Variants in COQ7 observed in about 807,000 individuals in gnomAD.
COQ7 encodes NADPH-dependent 3-demethoxyubiquinone 3-hydroxylase, mitochondrial.
COQ7 carries 21 observed loss-of-function variants against 25.0 expected under a neutral mutation model. The ratio of observed to expected loss-of-function variants is 0.84; its 90% CI spans 0.60 to 1.21. COQ7 has a LOEUF of 1.21. COQ7 is among the 50% of genes most tolerant of loss of function. The probability of loss-of-function intolerance (pLI) is 0.00; values close to 1 mark genes in which losing one functional copy is unlikely to be tolerated. For synonymous variants in COQ7, 125 were observed against 112.4 expected, an observed-to-expected ratio of 1.11 and a Z score of -0.71; for missense variants, 311 against 296.2, an observed-to-expected ratio of 1.05 and a Z score of -0.37.
chr16:19,077,222 T>TAAA (rs1334734544), intron 4 of COQ7, 84 bp from the exon 5 acceptor site: 30 of 1,222,332 alleles, frequency 2.5e-5, no homozygotes, highest in Non-Finnish European at 2.8e-5. Context: ...TAGGCCATAA[T>TAAA]AAGAGGCTTT....
chr16:19,071,826 A>T, intron 1 of COQ7, 102 bp from the exon 2 acceptor site: 1 of 1,318,774 alleles, frequency 7.6e-7, no homozygotes, highest in South Asian at 1.3e-5. Context: ...CCCATGGGGA[A>T]CTGATTTGTG....
intron 4 of COQ7, 69 bp from the exon 5 acceptor site, chr16:19,077,237 T>A: frequency 7.1e-7 from 1 of 1,410,582 alleles, no homozygotes. Flanking sequence ...GGCTTTAGCC[T>A]CCAAAATGAA....
chr16:19,079,661 C>T lies in COQ7; in HGVS notation c.*1503C>T, dbSNP rs975860443. The T allele has an allele frequency of 2.0e-5, 3 of 151,952 alleles. No individual in the cohort carries two copies. The highest frequency in any genetic ancestry group is 7.3e-5 in the African/African-American group (3 of 41,360). 9.4% of individuals were successfully genotyped at this position (151,952 alleles called of 1,614,324 possible). A position where few individuals can be genotyped will look rare whatever the true frequency, so the allele number is the denominator to read the frequency against. On this transcript the variant is annotated 3_prime_UTR_variant, in exon 6 of 6. Transcript: ENST00000321998. The stretch of plus-strand genomic sequence containing the variant: ...TCCGGAGTGAGTTGGAGCTGCAAGC[C>T]CCTGAGCTAGATTATAAGATGCTTC...
At position 19,071,933 on chromosome 16, in the gene COQ7, GGAA is replaced by G; in HGVS notation, c.86_88del (p.Arg29del). 1.2e-6 allele frequency: 2 copies of G among 1,614,188 alleles called. No individual in the cohort carries two copies. The highest frequency in any genetic ancestry group is 1.7e-6 in the Non-Finnish European group (2 of 1,180,014). On this transcript the variant is annotated inframe_deletion, in exon 2 of 6. Coordinates refer to ENST00000321998, the MANE Select transcript of COQ7 (RefSeq NM_016138.5). The stretch of plus-strand genomic sequence containing the variant: ...AATAAACACTTGCATTTCAGCTTAT[GGAA>G]GAAGAACCAGTGTCAGATTTCGCAG...
chr16:19,075,778 A>G lies in COQ7; in HGVS notation c.425A>G (p.Glu142Gly), dbSNP rs1596831186. ...GCCATGGCCTGCACCGTGGCGGTGGAAGAGAGCATAGCACATCACTACAAC... is the reference window on the plus strand; with the variant it reads ...GCCATGGCCTGCACCGTGGCGGTGGGAGAGAGCATAGCACATCACTACAAC... ...EGAMACTVAV[E>G]ESIAHHYNNQ... The change falls in exon 4 of 6, where the codon GAA (glutamate) becomes GGA (glycine). Residue 142 changes from glutamate (E) to glycine (G), a missense_variant. Transcript: ENST00000321998. The G allele has an allele frequency of 6.2e-7, 1 of 1,611,976 alleles. No individual in the cohort carries two copies. The highest frequency in any genetic ancestry group is 8.5e-7 in the Non-Finnish European group (1 of 1,178,944).
downstream of COQ7, among the ~76,000 whole-genome samples, chr16:19,080,594 C>T (rs11865726): frequency 0.013 from 1,987 of 152,130 alleles, 51 homozygotes; most frequent in African/African-American, 0.045. Flanking sequence ...GATTATTTGA[C>T]ATGTTTAATT....
chr16:19,077,590 C>CTTTTTTTTTTTTTTTT (rs60523088), intron 5 of COQ7, among the ~76,000 whole-genome samples: 2,694 of 74,204 alleles, frequency 0.036, 656 homozygotes, highest in East Asian at 0.085. Flanking sequence ...TCCCCAGAAG[C>CTTTTTTTTTTTTTTTT]TTTTTTTTTT....
intron 4 of COQ7, 134 bp from the exon 5 acceptor site, chr16:19,077,172 A>T: frequency 1.4e-6 from 1 of 694,008 alleles, no homozygotes; most frequent in Non-Finnish European, 2.5e-6. Context: ...CAAAGTATTT[A>T]CTCTCTGGCC....
rs1962964022 is a variant in COQ7 at position 19,078,222 on chromosome 16, A to C, written c.*64A>C. On this transcript the variant is annotated 3_prime_UTR_variant, in exon 6 of 6. Coordinates refer to ENST00000321998, the MANE Select transcript of COQ7 (RefSeq NM_016138.5). Reference sequence around the variant, plus strand: ...AATTTACCAAGTGACATTTGCAGAGAAACAGGTGTACAGTTATCGTTGTAC... The same window carrying C: ...AATTTACCAAGTGACATTTGCAGAGCAACAGGTGTACAGTTATCGTTGTAC... The C allele has an allele frequency of 7.2e-6, 9 of 1,241,604 alleles. No individual in the cohort carries two copies. The highest frequency in any genetic ancestry group is 3.0e-5 in the African/African-American group (2 of 66,482). 76.9% of individuals were successfully genotyped at this position (1,241,604 alleles called of 1,614,324 possible). A position where few individuals can be genotyped will look rare whatever the true frequency, so the allele number is the denominator to read the frequency against.
Position 19,073,961 on chromosome 16 carries a change from A to G in COQ7, c.293A>G (p.Asn98Ser), listed in dbSNP as rs184471591. ...DQEKDHLKKF[N>S]ELMVTFRVRP... ...GAAAAGGACCATTTGAAAAAGTTCA[A>G]TGAGTTGATGGTTACGTTCAGGGTC... is the stretch of plus-strand genomic sequence containing the variant. The change falls in exon 3 of 6, where the codon AAT (asparagine) becomes AGT (serine). Residue 98 changes from asparagine to serine, a missense_variant. Physicochemically the swap from Asn to Ser is conservative, Grantham distance 46. Coordinates refer to ENST00000321998, the MANE Select transcript of COQ7 (RefSeq NM_016138.5). 1.9e-4 allele frequency: 313 copies of G among 1,613,866 alleles called. No individual in the cohort carries two copies. Among genetic ancestry groups the G allele is most frequent in the South Asian group, 3.2e-4 (29 of 91,060 alleles).
intron 5 of COQ7, among the ~76,000 whole-genome samples, chr16:19,077,805 G>T (rs191928090): frequency 6.6e-6 from 1 of 152,024 alleles, no homozygotes; most frequent in Non-Finnish European, 1.5e-5. Flanking sequence ...TGTTGGCCAG[G>T]CTGGTCTCGA....
chr16:19,075,264 G>A (rs1271504527), intron 3 of COQ7, among the ~76,000 whole-genome samples: 1 of 145,328 alleles, frequency 6.9e-6, no homozygotes, highest in African/African-American at 2.6e-5. Flanking sequence ...GTGCAGTGGC[G>A]TGATCTTGGC....
In COQ7 at chr16:19,073,968, G is replaced by A; in HGVS notation, c.300G>A (p.Leu100=). The A allele has an allele frequency of 6.2e-7, 1 of 1,613,848 alleles. No homozygotes were observed. Among genetic ancestry groups the A allele is most frequent in the Non-Finnish European group, 8.5e-7 (1 of 1,179,950 alleles). The part of the protein sequence containing the change: ...EKDHLKKFNE[L]MVTFRVRPTV... ...ACCATTTGAAAAAGTTCAATGAGTT[G>A]ATGGTTACGTTCAGGGTCCGGCCAA... Residue 100 remains leucine (L), a synonymous_variant, in exon 3 of 6, where the codon TTG becomes TTA. Transcript: ENST00000321998.
At position 19,075,798 on chromosome 16, in the gene COQ7, T is replaced by A; in HGVS notation, c.445T>A (p.Tyr149Asn). Reference protein sequence around the residue: ...VAVEESIAHHYNNQIRTLMEE... With the variant: ...VAVEESIAHHNNNQIRTLMEE... ...GGTGGAAGAGAGCATAGCACATCAC[T>A]ACAACAACCAGATCAGGACGCTGAT... is the stretch of plus-strand genomic sequence containing the variant. The change falls in exon 4 of 6, where the codon TAC becomes AAC. Residue 149 changes from tyrosine (Y) to asparagine (N), a missense_variant. By Grantham distance (143) the Tyr-to-Asn change is moderately radical (BLOSUM62 -2). Transcript: ENST00000321998. 6.2e-7 allele frequency: 1 copy of A among 1,613,918 alleles called. No individual in the cohort carries two copies. The highest frequency in any genetic ancestry group is 1.3e-5 in the African/African-American group (1 of 75,042).
downstream of COQ7, among the ~76,000 whole-genome samples, chr16:19,080,884 A>C (rs1963086364): frequency 6.6e-6 from 1 of 152,122 alleles, no homozygotes; most frequent in East Asian, 1.9e-4. Context: ...GATCCTCTTC[A>C]AAAGGTGGTT....
At chr16:19,077,059 C>A (rs987104410) in intron 4 of COQ7, among the ~76,000 whole-genome samples, 3 of 152,250 alleles carry the variant, frequency 2.0e-5, no homozygotes, top group Admixed American at 6.5e-5. Flanking sequence ...TGGCCAGCCA[C>A]CTGTTTCTTT....
chr16:19,082,587 C>T (rs1197072544), downstream of COQ7, among the ~76,000 whole-genome samples: 2 of 152,002 alleles, frequency 1.3e-5, no homozygotes, highest in African/African-American at 4.8e-5. Flanking sequence ...AGTTCAAGAC[C>T]AGCCTGGCCA....
In COQ7 at chr16:19,077,410, T is replaced by G. The variant is rs971962118; in HGVS notation, c.576+36T>G. 4 of 1,579,806 alleles carry G rather than the reference T, an allele frequency of 2.5e-6. No individual in the cohort carries two copies. In the South Asian group the frequency reaches 3.3e-5, roughly 13 times the overall value. ...ACTGTTACCTGTTCTGCTTTGGGAC[T>G]CCTTATTTGGGAGGCTGAAGGGGCA... On this transcript the variant is annotated intron_variant, in intron 5 of 5. Transcript: ENST00000321998.
At chr16:19,077,677 C>T (rs539215069) in intron 5 of COQ7, among the ~76,000 whole-genome samples, 2 of 146,736 alleles carry the variant, frequency 1.4e-5, no homozygotes, top group East Asian at 4.2e-4. Context: ...CAGCCTCCTC[C>T]TTCCAGGTTC....
Sources: gnomAD v4.1 joint callset for allele counts (sites outside exome capture counted in the v4.1 genomes callset) on GRCh38, gnomAD v4.1.1 for gene constraint, MANE v1.5 for transcripts, NCBI Gene and HGNC (gene_info 2026-07-23, HGNC 2026-07-21) for gene names.